The following CCDC141 variants were observed in gnomAD, a reference collection of about 807,000 sequenced individuals.
CCDC141 encodes the protein coiled-coil domain containing 141, also known as coiled-coil domain-containing protein 141.
In CCDC141, 168 loss-of-function variants were observed where a neutral mutation model predicts 181.0. That is an observed-to-expected ratio of 0.93 (90% CI 0.82 to 1.05). The LOEUF (loss-of-function observed/expected upper bound fraction) is 1.05. Ranked by LOEUF, CCDC141 falls within the 50% of genes least tolerant of loss-of-function variation. The pLI is 0.00. For synonymous variants in CCDC141, 666 were observed against 642.3 expected (o/e 1.04, Z -0.56); for missense variants, 1,902 against 1,788.5 (o/e 1.06, Z -1.14).
At chr2:179,015,986 T>C (rs2042528550) in intron 2 of CCDC141, among the ~76,000 whole-genome samples, 1 of 139,492 alleles carries the variant, frequency 7.2e-6, no homozygotes. Context: ...CATATATGTA[T>C]GATATATATG....
intron 2 of CCDC141, among the ~76,000 whole-genome samples, chr2:178,997,641 C>A (rs1245010878): frequency 6.6e-6 from 1 of 152,140 alleles, no homozygotes; most frequent in African/African-American, 2.4e-5. Context: ...ATTGTCCCAC[C>A]AAATAGCATC....
intron 18 of CCDC141, 122 bp from the exon 19 acceptor site, chr2:178,855,663 A>C: frequency 1.8e-6 from 1 of 562,756 alleles, no homozygotes. Flanking sequence ...TTAAAATAAT[A>C]ATTATTACAA....
chr2:178,837,473 T>G lies in CCDC141; in HGVS notation c.3746A>C (p.Tyr1249Ser). The G allele has an allele frequency of 2.5e-6, 4 of 1,614,064 alleles. No individual in the cohort carries two copies. The highest frequency in any genetic ancestry group is 3.4e-6 in the Non-Finnish European group (4 of 1,179,958). ...SSSLSLHISS[Y>S]GVQAGTSSPG... ...GCTGCTGGTCCCAGCCTGCACCCCA[T>G]AGCTGCTTATGTGAAGGCTGAGGGA... Residue 1249 changes from tyrosine (Y) to serine (S), a missense_variant, in exon 23 of 24, where the codon TAT becomes TCT. Physicochemically the swap from Tyr to Ser is moderately radical, Grantham distance 144. Coordinates refer to ENST00000443758, the MANE Select transcript of CCDC141 (RefSeq NM_173648.4).
chr2:178,982,129 TA>T (rs1043574653), intron 2 of CCDC141, among the ~76,000 whole-genome samples: 1 of 152,108 alleles, frequency 6.6e-6, no homozygotes, highest in Non-Finnish European at 1.5e-5. Context: ...CTATATCTAT[TA>T]AAAAATTAAA....
chr2:179,013,108 C>T (rs1401720907), intron 2 of CCDC141, among the ~76,000 whole-genome samples: 1 of 152,066 alleles, frequency 6.6e-6, no homozygotes, highest in Non-Finnish European at 1.5e-5. Flanking sequence ...ACTGGAAGTC[C>T]TAGCCAGAGC....
chr2:178,872,702 A>G (rs900447810), intron 12 of CCDC141, among the ~76,000 whole-genome samples: 2 of 152,232 alleles, frequency 1.3e-5, no homozygotes, highest in African/African-American at 4.8e-5. Flanking sequence ...AATACGTCAA[A>G]ATATCAGTAT....
chr2:178,888,386 G>T, intron 9 of CCDC141, 141 bp downstream of exon 9: 1 of 740,180 alleles, frequency 1.4e-6, no homozygotes. Context: ...ACTCTGTTTA[G>T]TTCAATTAAA....
chr2:178,951,468 G>A (rs535868858), intron 5 of CCDC141, among the ~76,000 whole-genome samples: 2 of 152,268 alleles, frequency 1.3e-5, no homozygotes, highest in East Asian at 1.9e-4. Flanking sequence ...CTGTCATATC[G>A]ACAAAATAAA....
At chr2:179,036,598 T>C (rs567952757) in intron 2 of CCDC141, among the ~76,000 whole-genome samples, 92 of 152,342 alleles carry the variant, frequency 6.0e-4, no homozygotes, top group African/African-American at 2.1e-3. Flanking sequence ...ACCAGGAAGT[T>C]GTGCTGCCTC....
chr2:178,995,518 T>C (rs903978992), intron 2 of CCDC141, among the ~76,000 whole-genome samples: 7 of 152,128 alleles, frequency 4.6e-5, no homozygotes, highest in Admixed American at 4.6e-4. Context: ...ACATATACAT[T>C]TACACATGTA....
At chr2:178,843,350 C>T (rs1297566751) in intron 22 of CCDC141, among the ~76,000 whole-genome samples, 1 of 152,182 alleles carries the variant, frequency 6.6e-6, no homozygotes, top group Non-Finnish European at 1.5e-5. Flanking sequence ...CACTAAAATT[C>T]TATAACTCTA....
At position 178,865,889 on chromosome 2, in the gene CCDC141, G is replaced by A. The variant is rs1364654332; in HGVS notation, c.2602C>T (p.Leu868=). Residue 868 remains leucine, a synonymous_variant, in exon 17 of 24, where the codon CTA becomes TTA. Coordinates refer to ENST00000443758, the MANE Select transcript of CCDC141 (RefSeq NM_173648.4). ...PHCSNVSAKN[L]QQQLELLEED... ...TCAAGGAGCTCCAGCTGCTGCTGTA[G>A]GTTCTTTGCAGAAACATTAGAGCAG... 5 of 1,595,270 alleles carry A rather than the reference G, an allele frequency of 3.1e-6. No individual in the cohort carries two copies. The highest frequency in any genetic ancestry group is 4.3e-6 in the Non-Finnish European group (5 of 1,171,172).
intron 6 of CCDC141, among the ~76,000 whole-genome samples, chr2:178,934,659 G>A (rs539071306): frequency 1.3e-5 from 2 of 152,202 alleles, no homozygotes; most frequent in African/African-American, 4.8e-5. Flanking sequence ...TGTGTTTCTT[G>A]TTCTGAATGT....
At chr2:178,982,935 T>G (rs961795420) in intron 2 of CCDC141, among the ~76,000 whole-genome samples, 13 of 152,304 alleles carry the variant, frequency 8.5e-5, no homozygotes, top group African/African-American at 2.4e-4. Flanking sequence ...CAAAGCAGCC[T>G]GGAAGCTCGA....
At position 178,853,441 on chromosome 2, in the gene CCDC141, C is replaced by A; in HGVS notation, c.3244G>T (p.Gly1082Cys). ...CTGGATATCTTAAAAGAGATCTCACCATATAAGTGCTGAGCAAGGTCAGTG... is the reference window on the plus strand; with the variant it reads ...CTGGATATCTTAAAAGAGATCTCACAATATAAGTGCTGAGCAAGGTCAGTG... ...EATDLAQHLY[G>C]LEEGQKYIEK... The change falls in exon 20 of 24, where the codon GGT (glycine) becomes TGT (cysteine). Residue 1082 changes from glycine to cysteine, a missense_variant and splice_region_variant. Gly to Cys is a radical substitution (Grantham distance 159). Transcript: ENST00000443758. 6.2e-7 allele frequency: 1 copy of A among 1,613,570 alleles called. No individual in the cohort carries two copies. The highest frequency in any genetic ancestry group is 1.1e-5 in the South Asian group (1 of 91,020).
At chr2:178,934,992 A>G (rs1211590527) in intron 6 of CCDC141, among the ~76,000 whole-genome samples, 1 of 152,216 alleles carries the variant, frequency 6.6e-6, no homozygotes, top group East Asian at 1.9e-4. Context: ...TTTTCCATGA[A>G]CAAGAAATTA....
Position 178,956,493 on chromosome 2 carries a change from G to A in CCDC141, c.780+4737C>T, listed in dbSNP as rs1325848599. 2.0e-5 allele frequency among the ~76,000 whole-genome samples: 3 copies of A among 151,930 alleles called. No individual in the cohort carries two copies. In the East Asian group the frequency reaches 5.8e-4, roughly 29 times the overall value. On this transcript the variant is annotated intron_variant, in intron 5 of 23. Coordinates refer to ENST00000443758, the MANE Select transcript of CCDC141 (RefSeq NM_173648.4). The stretch of plus-strand genomic sequence containing the variant: ...TGCATGTGTGTTTTTTGTAGATACA[G>A]GGTTTTGCCATGTTACCCAAGCTGG...
chr2:178,995,457 G>A (rs1429208601), intron 2 of CCDC141, among the ~76,000 whole-genome samples: 1 of 152,008 alleles, frequency 6.6e-6, no homozygotes, highest in African/African-American at 2.4e-5. Flanking sequence ...ACAACACATG[G>A]GAATTCAAAA....
chr2:178,849,111 G>C (rs924779046), intron 21 of CCDC141, among the ~76,000 whole-genome samples: 1 of 152,114 alleles, frequency 6.6e-6, no homozygotes, highest in African/African-American at 2.4e-5. Flanking sequence ...TATTTGAATA[G>C]AAGAGGCACA....
Sources: allele counts gnomAD v4.1 joint callset (sites outside exome capture counted in the v4.1 genomes callset), GRCh38; gene constraint gnomAD v4.1.1; transcripts MANE v1.5; gene names NCBI Gene and HGNC (gene_info 2026-07-23, HGNC 2026-07-21).